The following SDC3 variants were observed in gnomAD, a reference collection of about 807,000 sequenced individuals.
SDC3 encodes the protein syndecan 3.
In SDC3, 13 loss-of-function variants were observed where a neutral mutation model predicts 24.4. The ratio of observed to expected loss-of-function variants is 0.53; its 90% confidence interval spans 0.35 to 0.85. The LOEUF (loss-of-function observed/expected upper bound fraction) is 0.85. Among genes scored for constraint, SDC3 ranks in the 40% least tolerant of loss-of-function variants. The pLI, the probability that SDC3 is intolerant of heterozygous loss-of-function variation, is 0.01. For missense variants in SDC3, 571 were observed against 584.5 expected (o/e 0.98, Z 0.24); for synonymous variants, 295 against 260.9 (o/e 1.13, Z -1.26).
At chr1:30,889,375 A>G (rs1267647777) in intron 1 of SDC3, among the ~76,000 whole-genome samples, 1 of 152,174 alleles carries the variant, frequency 6.6e-6, no homozygotes, top group Non-Finnish European at 1.5e-5. Context: ...GGACTGAAGC[A>G]CTGGTTCCCA....
rs953054046 is a variant in SDC3 at position 30,876,989 on chromosome 1, C to A, written c.433G>T (p.Val145Leu). ...TLEPATSPLV[V>L]TEVPEEPSQR... ...CTGGGCTCTTCCGGGACTTCTGTCACCACCAGGGGGCTGGTGGCTGGCTCC... is the reference window on the plus strand; with the variant it reads ...CTGGGCTCTTCCGGGACTTCTGTCAACACCAGGGGGCTGGTGGCTGGCTCC... Residue 145 changes from valine (V) to leucine (L), a missense_variant, in exon 3 of 5, where the codon GTG becomes TTG. By Grantham distance (32) the Val-to-Leu change is conservative. This residue lies in a region of SDC3 where 497 missense variants were observed against 471.6 expected (regional missense o/e 1.05). Transcript: ENST00000339394. 1.2e-6 allele frequency: 2 copies of A among 1,613,590 alleles called. No individual in the cohort carries two copies. The highest frequency in any genetic ancestry group is 1.7e-6 in the Non-Finnish European group (2 of 1,179,926).
At position 30,876,692 on chromosome 1, in the gene SDC3, G is replaced by T; in HGVS notation, c.730C>A (p.Pro244Thr). Residue 244 changes from proline (P) to threonine (T), a missense_variant, in exon 3 of 5, where the codon CCA becomes ACA. This residue lies in a region of SDC3 where 497 missense variants were observed against 471.6 expected (regional missense o/e 1.05). Coordinates refer to ENST00000339394, the MANE Select transcript of SDC3 (RefSeq NM_014654.4). ...TTAAVLDTEA[P>T]TPRLVSTATS... ...GCTGTGCTGACCAGCCTGGGTGTTG[G>T]GGCCTCGGTGTCCAAGACAGCCGCC... The T allele has an allele frequency of 6.2e-7, 1 of 1,603,374 alleles. No homozygotes were observed.
At chr1:30,909,245 T>A (rs1017337744), upstream of SDC3, among the ~76,000 whole-genome samples, 28 of 152,164 alleles carry the variant, frequency 1.8e-4, no homozygotes, top group Non-Finnish European at 3.7e-4. Context: ...CGGGCTTTCA[T>A]GCCTCCAGGA....
At chr1:30,879,419 C>T (rs1327505287) in intron 1 of SDC3, among the ~76,000 whole-genome samples, 3 of 152,208 alleles carry the variant, frequency 2.0e-5, no homozygotes, top group African/African-American at 7.2e-5. Context: ...TGACGAATTG[C>T]TGGGTCTTCC....
chr1:30,877,494 A>G, intron 2 of SDC3: 1 of 550,022 alleles, frequency 1.8e-6, no homozygotes, highest in Non-Finnish European at 3.2e-6. Context: ...TGGCTGCAAA[A>G]CTTGCTGGGG....
Position 30,908,478 on chromosome 1 carries a change from GC to G in SDC3, c.108del (p.Leu37CysfsTer67). 9.7e-7 allele frequency: 1 copy of G among 1,028,128 alleles called. No homozygotes were observed. The highest frequency in any genetic ancestry group is 5.0e-5 in the Admixed American group (1 of 19,892). The allele number at this position is 1,028,128 out of a possible 1,614,324, so 63.7% of individuals were successfully genotyped here. On this transcript the variant is annotated frameshift_variant, in exon 1 of 5. Transcript: ENST00000339394. LOFTEE classifies it high-confidence loss of function. ...GARGLLLPPL[L>X]LLLLAGRAAG... ...GCGGCGCGCCCCGCCAGCAGCAGCA[GC>G]AGCAGCGGTGGCAGGAGCAGCCCGC...
intron 1 of SDC3, among the ~76,000 whole-genome samples, chr1:30,890,105 G>T (rs1375944893): frequency 6.6e-6 from 1 of 152,240 alleles, no homozygotes; most frequent in Non-Finnish European, 1.5e-5. Flanking sequence ...GAGGTCAGGA[G>T]TTCGAGACCA....
chr1:30,876,726 C>G lies in SDC3; in HGVS notation c.696G>C (p.Pro232=). Residue 232 remains proline (P), a synonymous_variant, in exon 3 of 5, where the codon CCG becomes CCC. Coordinates refer to ENST00000339394, the MANE Select transcript of SDC3 (RefSeq NM_014654.4). ...TGTCCAAGACAGCCGCCGTGGTGGGCGGGGAGGGCGCCTCGGGGGTAGTGG... is the reference window on the plus strand; with the variant it reads ...TGTCCAAGACAGCCGCCGTGGTGGGGGGGGAGGGCGCCTCGGGGGTAGTGG... ...ARATTPEAPS[P]PTTAAVLDTE... 4 of 1,591,938 alleles carry G rather than the reference C, an allele frequency of 2.5e-6. No homozygotes were observed. The highest frequency in any genetic ancestry group is 3.4e-6 in the Non-Finnish European group (4 of 1,168,668).
At chr1:30,886,767 T>C (rs1370389882) in intron 1 of SDC3, among the ~76,000 whole-genome samples, 2 of 152,294 alleles carry the variant, frequency 1.3e-5, no homozygotes, top group Admixed American at 1.3e-4. Context: ...ATGAAAATGA[T>C]CACAGCCCCG....
At position 30,873,176 on chromosome 1, in the gene SDC3, TG is replaced by T; in HGVS notation, c.*34del. On this transcript the variant is annotated 3_prime_UTR_variant, in exon 5 of 5. Coordinates refer to ENST00000339394, the MANE Select transcript of SDC3 (RefSeq NM_014654.4). ...CCAGGCTGGGGACTGGACAGCAGGG[TG>T]GTGTTGAGGCTGCAGGGAGGCACTG... 1 of 1,536,074 alleles carries T rather than the reference TG, an allele frequency of 6.5e-7. No individual in the cohort carries two copies. The highest frequency in any genetic ancestry group is 9.0e-7 in the Non-Finnish European group (1 of 1,111,744).
intron 1 of SDC3, among the ~76,000 whole-genome samples, chr1:30,885,481 G>C (rs1370640451): frequency 1.3e-5 from 2 of 152,186 alleles, no homozygotes. Flanking sequence ...TGTTATTAGA[G>C]AGCGCACATC....
intron 1 of SDC3, among the ~76,000 whole-genome samples, chr1:30,907,751 G>A (rs763705445): frequency 1.5e-4 from 23 of 151,518 alleles, no homozygotes; most frequent in Non-Finnish European, 3.2e-4. Flanking sequence ...GGCCACACAC[G>A]CCCACACACG....
intron 3 of SDC3, 37 bp downstream of exon 3, chr1:30,876,515 C>T (rs371000249): frequency 2.2e-5 from 33 of 1,488,244 alleles, no homozygotes; most frequent in African/African-American, 1.3e-4. Context: ...ACCCACCCTC[C>T]TCCGCCCTCC....
Position 30,876,831 on chromosome 1 carries a change from C to T in SDC3, c.591G>A (p.Thr197=), listed in dbSNP as rs780564480. ...TPSTPAAPPF[T]ATTAVIRTTG... ...TGGTCCTTATAACAGCAGTGGTGGCCGTAAAAGGGGGTGCTGCAGGGGTGC... is the reference window on the plus strand; with the variant it reads ...TGGTCCTTATAACAGCAGTGGTGGCTGTAAAAGGGGGTGCTGCAGGGGTGC... The change falls in exon 3 of 5, where the codon ACG becomes ACA. Residue 197 remains threonine (T), a synonymous_variant. Transcript: ENST00000339394. 3.1e-6 allele frequency: 5 copies of T among 1,611,414 alleles called. No individual in the cohort carries two copies. The highest frequency in any genetic ancestry group is 2.2e-5 in the East Asian group (1 of 44,850).
chr1:30,885,127 T>G (rs1004129260), intron 1 of SDC3, among the ~76,000 whole-genome samples: 2 of 152,214 alleles, frequency 1.3e-5, no homozygotes, highest in African/African-American at 4.8e-5. Flanking sequence ...GGGCAGATAT[T>G]TAACTCTCTC....
intron 1 of SDC3, among the ~76,000 whole-genome samples, chr1:30,907,427 G>T (rs1421267750): frequency 6.6e-6 from 1 of 152,154 alleles, no homozygotes; most frequent in African/African-American, 2.4e-5. Flanking sequence ...GCACATGCTT[G>T]GTTCCCCTCA....
intron 1 of SDC3, among the ~76,000 whole-genome samples, chr1:30,885,773 C>T (rs1054430641): frequency 2.0e-5 from 3 of 152,258 alleles, no homozygotes; most frequent in Admixed American, 6.5e-5. Flanking sequence ...ACCCACCCGC[C>T]CGCCTTCTCC....
chr1:30,881,050 C>T (rs1468284005), intron 1 of SDC3, among the ~76,000 whole-genome samples: 1 of 151,122 alleles, frequency 6.6e-6, no homozygotes, highest in African/African-American at 2.4e-5. Flanking sequence ...CACACACACA[C>T]ACACGACAGC....
At position 30,872,823 on chromosome 1, in the gene SDC3, C is replaced by CGTAT; in HGVS notation, c.*387_*388insATAC. Reference sequence around the variant, plus strand: ...GAAACCAGCCTGAGTGCCTCTCTGCCCCAAAAAGGAGATCTCAGTGAGCAC... The same window carrying CGTAT: ...GAAACCAGCCTGAGTGCCTCTCTGCCGTATCCAAAAAGGAGATCTCAGTGAGCAC... On this transcript the variant is annotated 3_prime_UTR_variant, in exon 5 of 5. Coordinates refer to ENST00000339394, the MANE Select transcript of SDC3 (RefSeq NM_014654.4). The CGTAT allele has an allele frequency of 4.7e-6, 1 of 214,868 alleles. No individual in the cohort carries two copies. The highest frequency in any genetic ancestry group is 9.3e-6 in the Non-Finnish European group (1 of 107,182). 13.3% of individuals were successfully genotyped at this position (214,868 alleles called of 1,614,324 possible).
Sources: gnomAD v4.1 joint callset for allele counts (sites outside exome capture counted in the v4.1 genomes callset) on GRCh38, gnomAD v4.1.1 for gene constraint, gnomAD v4.1.1 regional missense constraint, MANE v1.5 for transcripts, NCBI Gene and HGNC (gene_info 2026-07-23, HGNC 2026-07-21) for gene names.